MGMT: variants seen among roughly 807,000 people sequenced by gnomAD.
The protein encoded by MGMT is methylated-DNA--protein-cysteine methyltransferase.
MGMT carries 14 observed loss-of-function variants against 15.9 expected under a neutral mutation model. The observed-to-expected ratio is 0.88, with a 90% CI of 0.58 to 1.37. The LOEUF is 1.37. MGMT is among the 40% of genes most tolerant of loss of function. The pLI is 0.00. For missense variants in MGMT, 282 were observed against 268.1 expected, an observed-to-expected ratio of 1.05 and a Z score of -0.36; for synonymous variants, 130 against 118.2, an observed-to-expected ratio of 1.10 and a Z score of -0.65.
Position 129,707,995 on chromosome 10 carries a change from A to T in MGMT, c.226A>T (p.Ile76Phe). 1 of 1,613,872 alleles carries T rather than the reference A, an allele frequency of 6.2e-7. No homozygotes were observed. The highest frequency in any genetic ancestry group is 8.5e-7 in the Non-Finnish European group (1 of 1,179,998). Residue 76 changes from isoleucine to phenylalanine, a missense_variant, in exon 3 of 5, where the codon ATC becomes TTC. Physicochemically the swap from Ile to Phe is conservative, Grantham distance 21. Coordinates refer to ENST00000651593, the MANE Select transcript of MGMT (RefSeq NM_002412.5). The part of the protein sequence containing the change: ...LNAYFHQPEA[I>F]EEFPVPALHH... ...TGCCTATTTCCACCAGCCCGAGGCTATCGAAGAGTTCCCCGTGCCGGCTCT... is the reference window on the plus strand; with the variant it reads ...TGCCTATTTCCACCAGCCCGAGGCTTTCGAAGAGTTCCCCGTGCCGGCTCT...
rs1050488528 is a variant in MGMT at position 129,556,125 on chromosome 10, G to A, written c.125+19748G>A. ...GACTCTTGCCTTGGACCCTGATGGC[G>A]CTGGGGGGTTTCATCGCCATTTAAC... On this transcript the variant is annotated intron_variant, in intron 2 of 4. Transcript: ENST00000651593. The surrounding 1 kb of genome is among the most constrained non-coding windows in gnomAD (Gnocchi z 4.3). Among the ~76,000 whole-genome samples, 7 of 152,164 alleles carry A rather than the reference G, an allele frequency of 4.6e-5. No homozygotes were observed. The East Asian group carries it at 1.2e-3, about 25-fold the overall frequency.
intron 2 of MGMT, among the ~76,000 whole-genome samples, chr10:129,559,218 A>G (rs1846249953): frequency 6.6e-6 from 1 of 152,238 alleles, no homozygotes; most frequent in South Asian, 2.1e-4. Context: ...GAGTCAACTT[A>G]GGCAATACAT....
At chr10:129,485,418 A>T (rs1275677448) in intron 1 of MGMT, among the ~76,000 whole-genome samples, 1 of 151,998 alleles carries the variant, frequency 6.6e-6, no homozygotes. Context: ...GGCTCACTTC[A>T]CTTCCCTTTC....
intron 2 of MGMT, among the ~76,000 whole-genome samples, chr10:129,605,216 T>C (rs1846874663): frequency 6.6e-6 from 1 of 152,236 alleles, no homozygotes; most frequent in Admixed American, 6.5e-5. Context: ...TTTTTTGGCC[T>C]GCACATTTGA....
chr10:129,696,297 A>G (rs1386811567), intron 2 of MGMT, among the ~76,000 whole-genome samples: 1 of 145,702 alleles, frequency 6.9e-6, no homozygotes, highest in South Asian at 2.2e-4. Context: ...ATTTCATCTC[A>G]TCATGAAGTC....
rs151060141 is a variant in MGMT at position 129,531,504 on chromosome 10, T to C, written c.-12-4737T>C. Reference sequence around the variant, plus strand: ...TAGTCTGCAGGCATCCCCCCACCTCTCTGCTCGCCCGGTGTGCACACCTGC... The same window carrying C: ...TAGTCTGCAGGCATCCCCCCACCTCCCTGCTCGCCCGGTGTGCACACCTGC... On this transcript the variant is annotated intron_variant, in intron 1 of 4. Coordinates refer to ENST00000651593, the MANE Select transcript of MGMT (RefSeq NM_002412.5). Among the ~76,000 whole-genome samples the C allele has an allele frequency of 8.0e-3, 1,221 of 152,106 alleles. 16 individuals are homozygous for C. The highest frequency in any genetic ancestry group is 0.028 in the African/African-American group (1,173 of 41,496).
intron 1 of MGMT, among the ~76,000 whole-genome samples, chr10:129,478,546 G>A (rs964837724): frequency 2.0e-5 from 3 of 152,258 alleles, no homozygotes; most frequent in Non-Finnish European, 4.4e-5. Flanking sequence ...ACCAATTCAT[G>A]CTGTGGATTG....
intron 2 of MGMT, among the ~76,000 whole-genome samples, chr10:129,602,758 G>A (rs1333725562): frequency 6.6e-6 from 1 of 152,006 alleles, no homozygotes; most frequent in African/African-American, 2.4e-5. Flanking sequence ...TTCCTTTCCA[G>A]CTCAACATTG....
At chr10:129,597,975 G>A (rs78360895) in intron 2 of MGMT, among the ~76,000 whole-genome samples, 5,041 of 152,296 alleles carry the variant, frequency 0.033, 130 homozygotes, top group South Asian at 0.066. Flanking sequence ...TAGAGGCTGC[G>A]CAGTGGCCCA....
chr10:129,543,841 A>G (rs1846070826), intron 2 of MGMT, among the ~76,000 whole-genome samples: 3 of 152,200 alleles, frequency 2.0e-5, no homozygotes, highest in African/African-American at 7.2e-5. Flanking sequence ...AACTTCTTGG[A>G]AGGAAGAAAA....
At chr10:129,513,357 A>G (rs1845704949) in intron 1 of MGMT, among the ~76,000 whole-genome samples, 1 of 152,234 alleles carries the variant, frequency 6.6e-6, no homozygotes, top group South Asian at 2.1e-4. Context: ...CCACTGAATT[A>G]CACACTTACA....
intron 3 of MGMT, among the ~76,000 whole-genome samples, chr10:129,736,543 A>G (rs1378847917): frequency 1.3e-5 from 2 of 148,402 alleles, no homozygotes; most frequent in Admixed American, 1.4e-4. Context: ...TTTTAATTGG[A>G]GCATTTAGTC....
At position 129,533,798 on chromosome 10, in the gene MGMT, G is replaced by A. The variant is rs752659993; in HGVS notation, c.-12-2443G>A. On this transcript the variant is annotated intron_variant, in intron 1 of 4. Coordinates refer to ENST00000651593, the MANE Select transcript of MGMT (RefSeq NM_002412.5). The surrounding 1 kb of genome is among the most constrained non-coding windows in gnomAD (Gnocchi z 4.5). ...TGAGAAGCAGTGGCCCGGGATGGTG[G>A]GAGATGTCTGCAGGCGCAGGGCGGA... is the stretch of plus-strand genomic sequence containing the variant. 1.3e-5 allele frequency among the ~76,000 whole-genome samples: 2 copies of A among 152,162 alleles called. No homozygotes were observed. Among genetic ancestry groups the A allele is most frequent in the Non-Finnish European group, 2.9e-5 (2 of 68,036 alleles).
intron 2 of MGMT, among the ~76,000 whole-genome samples, chr10:129,669,991 T>A (rs1589926605): frequency 6.6e-6 from 1 of 152,268 alleles, no homozygotes; most frequent in East Asian, 1.9e-4. Context: ...ACCTGAACCA[T>A]AAAAATTGCA....
At chr10:129,485,702 G>A (rs1845401322) in intron 1 of MGMT, among the ~76,000 whole-genome samples, 1 of 152,192 alleles carries the variant, frequency 6.6e-6, no homozygotes, top group South Asian at 2.1e-4. Context: ...CAGAATTTCA[G>A]GCTACTCATC....
At chr10:129,610,807 C>A (rs1049501643) in intron 2 of MGMT, among the ~76,000 whole-genome samples, 18 of 152,208 alleles carry the variant, frequency 1.2e-4, no homozygotes, top group Non-Finnish European at 4.4e-5. Context: ...ATAGTGCATT[C>A]ATTTGCCTCT....
chr10:129,604,793 T>C (rs1422520219), intron 2 of MGMT, among the ~76,000 whole-genome samples: 1 of 130,742 alleles, frequency 7.6e-6, no homozygotes, highest in Non-Finnish European at 1.6e-5. Flanking sequence ...ATTTTCACAA[T>C]GATGTCTCCA....
intron 2 of MGMT, among the ~76,000 whole-genome samples, chr10:129,688,069 T>C (rs1014544477): frequency 3.3e-5 from 5 of 152,256 alleles, no homozygotes; most frequent in Non-Finnish European, 5.9e-5. Context: ...GGTGTATATG[T>C]GCCACATTTT....
intron 2 of MGMT, among the ~76,000 whole-genome samples, chr10:129,618,130 G>T (rs1847049824): frequency 6.6e-6 from 1 of 152,096 alleles, no homozygotes; most frequent in African/African-American, 2.4e-5. Flanking sequence ...AAAAGGAAAA[G>T]AAACTAGATT....
Sources: allele counts gnomAD v4.1 joint callset (sites outside exome capture counted in the v4.1 genomes callset), GRCh38; gene constraint gnomAD v4.1.1; non-coding constraint Gnocchi (gnomAD v3.1); transcripts MANE v1.5; gene names NCBI Gene and HGNC (gene_info 2026-07-23, HGNC 2026-07-21).